Variants in GFRA1 observed in about 807,000 individuals in gnomAD.
GFRA1 encodes the protein GDNF family receptor alpha-1.
GFRA1 carries 16 observed loss-of-function variants against 51.6 expected under a neutral mutation model. The ratio of observed to expected loss-of-function variants is 0.31; its 90% CI spans 0.21 to 0.47. The LOEUF (loss-of-function observed/expected upper bound fraction) is 0.47. Among genes scored for constraint, GFRA1 ranks in the 20% least tolerant of loss-of-function variants. GFRA1 has a pLI of 1.00. For synonymous variants in GFRA1, 270 were observed against 241.3 expected, an observed-to-expected ratio of 1.12 and a Z score of -1.10; for missense variants, 530 against 594.3, an observed-to-expected ratio of 0.89 and a Z score of 1.13.
intron 5 of GFRA1, among the ~76,000 whole-genome samples, chr10:116,135,793 T>C (rs982687893): frequency 3.9e-5 from 6 of 152,204 alleles, no homozygotes; most frequent in Non-Finnish European, 8.8e-5. Flanking sequence ...TAAATATTTT[T>C]CAGCAAAATC....
At chr10:116,202,729 T>C (rs984059444) in intron 5 of GFRA1, among the ~76,000 whole-genome samples, 26 of 152,258 alleles carry the variant, frequency 1.7e-4, no homozygotes, top group African/African-American at 6.3e-4. Flanking sequence ...TTACTCACTA[T>C]CATGAGAACA....
intron 5 of GFRA1, among the ~76,000 whole-genome samples, chr10:116,199,652 A>G (rs1964172221): frequency 6.6e-6 from 1 of 152,248 alleles, no homozygotes; most frequent in South Asian, 2.1e-4. Flanking sequence ...GGCAGATACC[A>G]GTACACTTGT....
At chr10:116,269,247 AAAAT>A (rs1969904431) in intron 4 of GFRA1, among the ~76,000 whole-genome samples, 1 of 152,176 alleles carries the variant, frequency 6.6e-6, no homozygotes. Context: ...TGGAAAAAAA[AAAAT>A]ACTCAACCAA....
chr10:116,189,090 T>TAAAAA (rs137887314), intron 5 of GFRA1, among the ~76,000 whole-genome samples: 1 of 112,154 alleles, frequency 8.9e-6, no homozygotes, highest in Non-Finnish European at 1.9e-5. Flanking sequence ...CCTTGTCTCT[T>TAAAAA]AAAAAAAAAA....
rs1954920774 is a variant in GFRA1, at chr10:116,063,424, CAG to C, written c.*972_*973del. On this transcript the variant is annotated 3_prime_UTR_variant, in exon 11 of 11. Transcript: ENST00000355422. ...TGAGCTGTATTTGTGAAGTTCATATCAGAGCGAACACTACTTATGAGGGGAAA... is the reference window on the plus strand; with the variant it reads ...TGAGCTGTATTTGTGAAGTTCATATCAGCGAACACTACTTATGAGGGGAAA... 6.6e-6 allele frequency: 1 copy of C among 152,232 alleles called. No individual in the cohort carries two copies. Among genetic ancestry groups the C allele is most frequent in the Non-Finnish European group, 1.5e-5 (1 of 68,046 alleles). 9.4% of individuals were successfully genotyped at this position (152,232 alleles called of 1,614,324 possible).
intron 5 of GFRA1, among the ~76,000 whole-genome samples, chr10:116,208,251 T>C (rs2694765): frequency 0.61 from 93,007 of 151,698 alleles, 30,128 homozygotes; most frequent in African/African-American, 0.84. Flanking sequence ...TCTGCAGTGG[T>C]CCTAGTAGCC....
At chr10:116,065,219 G>A (rs1361121917) in intron 10 of GFRA1, among the ~76,000 whole-genome samples, 1 of 152,218 alleles carries the variant, frequency 6.6e-6, no homozygotes, top group East Asian at 1.9e-4. Context: ...GCCTGTGGAG[G>A]TCAGAGGCAC....
At chr10:116,243,504 A>C (rs1364148167) in intron 4 of GFRA1, among the ~76,000 whole-genome samples, 1 of 145,926 alleles carries the variant, frequency 6.9e-6, no homozygotes, top group Non-Finnish European at 1.5e-5. Flanking sequence ...CAAAAAAGAG[A>C]AAAAGAAAAG....
At position 116,163,574 on chromosome 10, in the gene GFRA1, C is replaced by T. The variant is rs556134675; in HGVS notation, c.434-38017G>A. 6.6e-5 allele frequency among the ~76,000 whole-genome samples: 10 copies of T among 152,310 alleles called. No individual in the cohort carries two copies. In the South Asian group the frequency reaches 1.2e-3, roughly 19 times the overall value. On this transcript the variant is annotated intron_variant, in intron 5 of 10. Coordinates refer to ENST00000355422, the MANE Select transcript of GFRA1 (RefSeq NM_005264.8). ...AATTTGCTCATTGGAAGCATGCCTT[C>T]GCCTTTCCCACAAGGCCACCATCCC...
intron 5 of GFRA1, among the ~76,000 whole-genome samples, chr10:116,184,452 A>T (rs1962517182): frequency 6.6e-6 from 1 of 152,210 alleles, no homozygotes. Context: ...GCTAATGACG[A>T]ATGACTGTGC....
At chr10:116,187,785 G>A (rs1490137920) in intron 5 of GFRA1, among the ~76,000 whole-genome samples, 2 of 152,186 alleles carry the variant, frequency 1.3e-5, no homozygotes, top group South Asian at 4.1e-4. Flanking sequence ...CTCAACATTG[G>A]CCATGGAAAA....
chr10:116,092,096 T>TACACACACGTAC (rs1555147076), intron 8 of GFRA1, among the ~76,000 whole-genome samples: 1 of 138,110 alleles, frequency 7.2e-6, no homozygotes, highest in Non-Finnish European at 1.6e-5. Context: ...CATACATACG[T>TACACACACGTAC]ACACACACAC....
At chr10:116,208,639 A>G (rs1410199477) in intron 5 of GFRA1, among the ~76,000 whole-genome samples, 2 of 152,202 alleles carry the variant, frequency 1.3e-5, no homozygotes, top group African/African-American at 4.8e-5. Context: ...TGAAATCTTT[A>G]TACCGCGCCC....
intron 4 of GFRA1, among the ~76,000 whole-genome samples, chr10:116,241,773 C>T (rs1403136159): frequency 6.6e-6 from 1 of 152,158 alleles, no homozygotes; most frequent in Admixed American, 6.5e-5. Flanking sequence ...TGTATTTGTT[C>T]TGCAGGCTAG....
chr10:116,215,457 A>G (rs1468533029), intron 4 of GFRA1, among the ~76,000 whole-genome samples: 1 of 152,202 alleles, frequency 6.6e-6, no homozygotes, highest in Non-Finnish European at 1.5e-5. Flanking sequence ...TTCTCCTTTC[A>G]ATCTAACCAA....
chr10:116,231,705 G>A (rs12358816), intron 4 of GFRA1, among the ~76,000 whole-genome samples: 2,560 of 152,060 alleles, frequency 0.017, 29 homozygotes, highest in Admixed American at 0.024. Context: ...AGCCTTTTCC[G>A]GATTCACCTG....
chr10:116,256,461 C>T (rs1419556106), intron 4 of GFRA1, among the ~76,000 whole-genome samples: 1 of 152,154 alleles, frequency 6.6e-6, no homozygotes, highest in East Asian at 1.9e-4. Context: ...TCTTCCCACC[C>T]CAGCCCCATT....
chr10:116,064,411 G>C lies in GFRA1; in HGVS notation c.1385C>G (p.Thr462Arg), dbSNP rs747537109. ...VTALSTLLSL[T>R]ETS ...TTTTTAATGCAGCTATGATGTTTCT[G>C]TTAAAGATAATAGGGTGGACAGAGC... The change falls in exon 11 of 11, where the codon ACA (threonine) becomes AGA (arginine). Residue 462 changes from threonine to arginine, a missense_variant. Coordinates refer to ENST00000355422, the MANE Select transcript of GFRA1 (RefSeq NM_005264.8). 6.2e-7 allele frequency: 1 copy of C among 1,612,272 alleles called. No homozygotes were observed. The highest frequency in any genetic ancestry group is 1.7e-5 in the Admixed American group (1 of 59,978).
At chr10:116,229,042 A>C (rs781634547) in intron 4 of GFRA1, among the ~76,000 whole-genome samples, 12 of 150,842 alleles carry the variant, frequency 8.0e-5, no homozygotes, top group Non-Finnish European at 1.2e-4. Context: ...CGGAAAAGGC[A>C]AGGAGACAGA....
Sources: allele counts gnomAD v4.1 joint callset (sites outside exome capture counted in the v4.1 genomes callset), GRCh38; gene constraint gnomAD v4.1.1; transcripts MANE v1.5; gene names NCBI Gene and HGNC (gene_info 2026-07-23, HGNC 2026-07-21).